MRAP: variants seen among roughly 807,000 people sequenced by gnomAD.
MRAP encodes the protein melanocortin-2 receptor accessory protein.
MRAP carries 8 observed loss-of-function variants against 8.7 expected under a neutral mutation model. That is an observed-to-expected ratio of 0.92 (90% CI 0.54 to 1.66). MRAP has a LOEUF of 1.66. MRAP is among the 40% of genes most tolerant of loss of function. The pLI, the probability that MRAP is intolerant of heterozygous loss-of-function variation, is 0.00. For synonymous variants in MRAP, 95 were observed against 95.5 expected (o/e 1.00, Z 0.03); for missense variants, 237 against 217.1 (o/e 1.09, Z -0.58).
intron 1 of MRAP, among the ~76,000 whole-genome samples, chr21:32,306,278 C>T (rs1204149628): frequency 6.6e-6 from 1 of 152,100 alleles, no homozygotes; most frequent in Non-Finnish European, 1.5e-5. Context: ...CACAGAGCTG[C>T]CCACAGCCCT....
At chr21:32,309,196 G>C (rs2032492382) in intron 2 of MRAP, among the ~76,000 whole-genome samples, 1 of 148,904 alleles carries the variant, frequency 6.7e-6, no homozygotes, top group East Asian at 2.0e-4. Context: ...TCAGTCTAGA[G>C]AAAAAAAAAA....
chr21:32,297,882 G>A (rs2047556217), upstream of MRAP, among the ~76,000 whole-genome samples: 1 of 152,228 alleles, frequency 6.6e-6, no homozygotes, highest in African/African-American at 2.4e-5. Flanking sequence ...GAATGCCTCA[G>A]GCGTGGCAGG....
chr21:32,309,802 G>C (rs2032512500), intron 2 of MRAP, among the ~76,000 whole-genome samples: 1 of 150,870 alleles, frequency 6.6e-6, no homozygotes, highest in South Asian at 2.1e-4. Context: ...AATTAGCTGG[G>C]CATCGTGGCC....
At chr21:32,309,701 G>C (rs983543503) in intron 2 of MRAP, among the ~76,000 whole-genome samples, 7 of 150,416 alleles carry the variant, frequency 4.7e-5, no homozygotes, top group Admixed American at 2.6e-4. Context: ...CTAGCACTTT[G>C]AGAGGCCGAG....
chr21:32,312,150 A>G lies in MRAP; in HGVS notation c.*154A>G. The G allele has an allele frequency of 1.3e-6, 2 of 1,531,340 alleles. No individual in the cohort carries two copies. 94.9% of individuals were successfully genotyped at this position (1,531,340 alleles called of 1,614,324 possible). ...AGCAGGAGCATCCTATGCCTTTGAC[A>G]AAGATTGCAGTGGCCCCTCGAGTGC... is the stretch of plus-strand genomic sequence containing the variant. On this transcript the variant is annotated 3_prime_UTR_variant, in exon 3 of 3. Transcript: ENST00000303645.
At chr21:32,299,147 G>A (rs1163196802) in intron 1 of MRAP, 70 bp downstream of exon 1, 23 of 1,176,856 alleles carry the variant, frequency 2.0e-5, no homozygotes, top group South Asian at 2.5e-5. Context: ...GGGCACTCCC[G>A]GCTTTCTCTG....
chr21:32,297,664 T>C (rs2032164397), upstream of MRAP, among the ~76,000 whole-genome samples: 1 of 152,212 alleles, frequency 6.6e-6, no homozygotes, highest in African/African-American at 2.4e-5. Context: ...TGAGTTACAT[T>C]GTAGGACACC....
At chr21:32,313,862 TTAAGAG>T (rs1360366693), downstream of MRAP, 1 of 152,164 alleles carries the variant, frequency 6.6e-6, no homozygotes, top group Admixed American at 6.6e-5. Context: ...TATATGACCA[TTAAGAG>T]TAAAATTCTG....
intron 1 of MRAP, among the ~76,000 whole-genome samples, chr21:32,302,984 T>TTTC (rs2032326415): frequency 6.9e-6 from 1 of 145,888 alleles, no homozygotes; most frequent in African/African-American, 2.6e-5. Flanking sequence ...ATTCCCTTTT[T>TTTC]TTTTTTTTTT....
chr21:32,303,478 A>G (rs900518127), intron 1 of MRAP, among the ~76,000 whole-genome samples: 1 of 152,224 alleles, frequency 6.6e-6, no homozygotes, highest in Non-Finnish European at 1.5e-5. Flanking sequence ...TGCCATCCAG[A>G]ACCATTCCTG....
intron 1 of MRAP, among the ~76,000 whole-genome samples, chr21:32,292,558 G>A (rs1251992390): frequency 1.3e-5 from 2 of 152,072 alleles, no homozygotes; most frequent in African/African-American, 4.8e-5. Context: ...TTGGGCTCAA[G>A]CGATTCTCTT....
intron 1 of MRAP, among the ~76,000 whole-genome samples, chr21:32,299,664 ATTTG>A (rs1014439172): frequency 2.0e-5 from 3 of 152,096 alleles, no homozygotes; most frequent in Admixed American, 6.6e-5. Flanking sequence ...TTCTTGTTTA[ATTTG>A]TTTGGGGCTC....
chr21:32,300,762 CAG>C (rs1491259234), intron 1 of MRAP, among the ~76,000 whole-genome samples: 21 of 148,688 alleles, frequency 1.4e-4, no homozygotes, highest in South Asian at 8.6e-4. Context: ...CGTCCTATGT[CAG>C]GGGCGTCATG....
At chr21:32,296,626 G>A (rs1307456270), upstream of MRAP, among the ~76,000 whole-genome samples, 1 of 152,088 alleles carries the variant, frequency 6.6e-6, no homozygotes, top group Non-Finnish European at 1.5e-5. Flanking sequence ...TTGTCTCCAA[G>A]GCTATAAACC....
intron 2 of MRAP, chr21:32,308,764 C>A: frequency 6.5e-6 from 1 of 153,186 alleles, no homozygotes; most frequent in Non-Finnish European, 1.5e-5. Flanking sequence ...AATCTAGAAC[C>A]TGAGGGATGG....
At chr21:32,294,840 C>G (rs2123489387), upstream of MRAP, among the ~76,000 whole-genome samples, 1 of 152,122 alleles carries the variant, frequency 6.6e-6, no homozygotes, top group Non-Finnish European at 1.5e-5. Context: ...GTATCTCTCT[C>G]CATATTTTAG....
At chr21:32,313,611 C>T (rs1387900569), downstream of MRAP, 1 of 152,118 alleles carries the variant, frequency 6.6e-6, no homozygotes, top group Non-Finnish European at 1.5e-5. Context: ...CTTTAAGTCA[C>T]CTAAAACAGA....
downstream of MRAP, chr21:32,314,646 C>T (rs140113354): frequency 2.8e-3 from 4,466 of 1,614,078 alleles, 38 homozygotes; most frequent in Middle Eastern, 0.017. Flanking sequence ...GAGGAAGGGG[C>T]GGCCTGACGA....
At chr21:32,301,038 TATATC>T (rs1165185193) in intron 1 of MRAP, among the ~76,000 whole-genome samples, 10 of 151,600 alleles carry the variant, frequency 6.6e-5, no homozygotes, top group Admixed American at 1.3e-4. Flanking sequence ...ATATATCAAA[TATATC>T]ATATGATATA....
Sources: allele counts gnomAD v4.1 joint callset (sites outside exome capture counted in the v4.1 genomes callset), GRCh38; gene constraint gnomAD v4.1.1; transcripts MANE v1.5; gene names NCBI Gene and HGNC (gene_info 2026-07-23, HGNC 2026-07-21).